Variants in NBEA observed in about 807,000 individuals in gnomAD.
NBEA encodes neurobeachin, also known as lysosomal-trafficking regulator 2.
In NBEA, 44 loss-of-function variants were observed where a neutral mutation model predicts 343.4. The observed-to-expected ratio is 0.13, with a 90% CI of 0.10 to 0.16. The LOEUF is 0.16. NBEA is among the 10% of genes least tolerant of loss of function. NBEA has a pLI of 1.00. For synonymous variants in NBEA, 1,175 were observed against 1,238.7 expected, an observed-to-expected ratio of 0.95 and a Z score of 1.08; for missense variants, 2,555 against 3,631.3, an observed-to-expected ratio of 0.70 and a Z score of 7.62.
intron 34 of NBEA, among the ~76,000 whole-genome samples, chr13:35,247,380 G>A (rs965436184): frequency 7.2e-5 from 11 of 152,110 alleles, no homozygotes; most frequent in African/African-American, 2.7e-4. Context: ...CAGTTCCTCT[G>A]GCAGCCCTCC....
chr13:35,253,366 T>C (rs936394536), intron 34 of NBEA, among the ~76,000 whole-genome samples: 9 of 152,224 alleles, frequency 5.9e-5, no homozygotes, highest in Admixed American at 1.3e-4. Flanking sequence ...CAATGGTATA[T>C]TTTTAAATTA....
rs1396914943 is a variant in NBEA, at chr13:35,352,220, A to G, written c.6076A>G (p.Ser2026Gly). 3.8e-6 allele frequency: 6 copies of G among 1,563,498 alleles called. No homozygotes were observed. Among genetic ancestry groups the G allele is most frequent in the Non-Finnish European group, 5.2e-6 (6 of 1,150,946 alleles). The change falls in exon 38 of 59, where the codon AGT (serine) becomes GGT (glycine). Residue 2026 changes from serine to glycine, a missense_variant. Physicochemically the swap from Ser to Gly is moderately conservative, Grantham distance 56 (BLOSUM62 0). Around this residue, in one of 21 missense-constraint regions of NBEA, gnomAD observed 246 missense variants for 313.7 expected, o/e 0.78. Transcript: ENST00000379939. ...AGAAAAGATGTGTGACCATCTTATC[A>G]GTGCTGCTAAACATCGAGATCATGT... ...EEEKMCDHLI[S>G]AAKHRDHVTA... is the part of the protein sequence containing the mutation.
At chr13:35,655,894 T>G (rs984819074) in intron 55 of NBEA, 145 bp downstream of exon 55, 1 of 669,798 alleles carries the variant, frequency 1.5e-6, no homozygotes, top group Non-Finnish European at 2.5e-6. Flanking sequence ...TACTGGAACG[T>G]AGCTATGTTC....
intron 47 of NBEA, among the ~76,000 whole-genome samples, chr13:35,603,800 T>C (rs2082163556): frequency 6.6e-6 from 1 of 152,200 alleles, no homozygotes; most frequent in South Asian, 2.1e-4. Flanking sequence ...AAGCTTACGT[T>C]CCTTCCCACT....
At chr13:35,033,987 C>T (rs1433771242) in intron 1 of NBEA, among the ~76,000 whole-genome samples, 2 of 151,670 alleles carry the variant, frequency 1.3e-5, no homozygotes, top group Non-Finnish European at 3.0e-5. Context: ...CATTTGGATA[C>T]CTTTTTCTAG....
Position 35,092,950 on chromosome 13 carries a change from T to C in NBEA, c.1572-5347T>C, listed in dbSNP as rs540173344. Among the ~76,000 whole-genome samples the C allele has an allele frequency of 1.4e-4, 21 of 152,136 alleles. No individual in the cohort carries two copies. In the South Asian group the frequency reaches 1.9e-3, roughly 14 times the overall value. On this transcript the variant is annotated intron_variant, in intron 10 of 58. Coordinates refer to ENST00000379939, the MANE Select transcript of NBEA (RefSeq NM_001385012.1). ...TGCTATTCTACAACCCAAATGCTTT[T>C]ACAAATGAATGGGTATACAAGCTGT...
intron 51 of NBEA, among the ~76,000 whole-genome samples, chr13:35,648,523 C>T (rs1047628076): frequency 2.0e-5 from 3 of 151,930 alleles, no homozygotes; most frequent in African/African-American, 7.3e-5. Context: ...TGGAGATATG[C>T]CCAGTCAGAA....
At chr13:35,268,428 T>C (rs2033864391) in intron 34 of NBEA, among the ~76,000 whole-genome samples, 2 of 152,046 alleles carry the variant, frequency 1.3e-5, no homozygotes. Flanking sequence ...AGATGGATGA[T>C]GGTGATAGTT....
intron 41 of NBEA, among the ~76,000 whole-genome samples, chr13:35,511,432 C>G (rs2077272487): frequency 6.6e-6 from 1 of 152,036 alleles, no homozygotes; most frequent in African/African-American, 2.4e-5. Flanking sequence ...TGACTTAAAC[C>G]TACAATGAAA....
chr13:35,198,785 G>A (rs909405607), intron 31 of NBEA, among the ~76,000 whole-genome samples: 3 of 150,998 alleles, frequency 2.0e-5, no homozygotes, highest in Non-Finnish European at 3.0e-5. Context: ...TCTCGGGGGC[G>A]CTGATGACGG....
chr13:35,442,739 G>A (rs1322952804), intron 39 of NBEA, among the ~76,000 whole-genome samples: 3 of 151,980 alleles, frequency 2.0e-5, no homozygotes, highest in Admixed American at 1.3e-4. Flanking sequence ...ATGAAATTCC[G>A]TTTTTGCTGT....
chr13:35,565,833 T>G (rs1234380715), intron 44 of NBEA, among the ~76,000 whole-genome samples: 2 of 152,084 alleles, frequency 1.3e-5, no homozygotes, highest in Non-Finnish European at 1.5e-5. Context: ...AGCAGACATA[T>G]TCACCCTAAG....
intron 36 of NBEA, among the ~76,000 whole-genome samples, chr13:35,310,667 T>C (rs1594166603): frequency 6.6e-6 from 1 of 152,214 alleles, no homozygotes; most frequent in African/African-American, 2.4e-5. Flanking sequence ...ATAGCTTCTA[T>C]CAGCCCAAGA....
In NBEA at chr13:35,290,377, T is replaced by C. The variant is rs774057436; in HGVS notation, c.5777-12T>C. On this transcript the variant is annotated splice_polypyrimidine_tract_variant and intron_variant, in intron 34 of 58. Transcript: ENST00000379939. ...TGTAATTTCATTTTGTTTTAACCTT[T>C]CTTTGTTGTAGGCCTTGTTTGTATG... is the stretch of plus-strand genomic sequence containing the variant. 3.9e-5 allele frequency: 62 copies of C among 1,584,484 alleles called. No individual in the cohort carries two copies. The Middle Eastern group carries it at 5.0e-4, about 13-fold the overall frequency.
intron 36 of NBEA, among the ~76,000 whole-genome samples, chr13:35,319,200 T>C (rs1270424766): frequency 6.6e-6 from 1 of 152,210 alleles, no homozygotes; most frequent in East Asian, 1.9e-4. Flanking sequence ...AGGGCATTGA[T>C]TTTAGATCTT....
At chr13:35,542,107 A>G (rs2078856064) in intron 41 of NBEA, among the ~76,000 whole-genome samples, 1 of 151,506 alleles carries the variant, frequency 6.6e-6, no homozygotes, top group Non-Finnish European at 1.5e-5. Flanking sequence ...AAAGTTCTCT[A>G]CGGATGGGCT....
At chr13:35,592,877 C>G (rs1376479404) in intron 46 of NBEA, 1 of 152,694 alleles carries the variant, frequency 6.5e-6, no homozygotes, top group African/African-American at 2.4e-5. Flanking sequence ...CATGGACATT[C>G]TCTACCTAAT....
chr13:35,387,957 T>C (rs1001699135), intron 38 of NBEA, among the ~76,000 whole-genome samples: 5 of 152,168 alleles, frequency 3.3e-5, no homozygotes, highest in African/African-American at 1.2e-4. Flanking sequence ...GAACTAATCA[T>C]CCTCTTAATA....
intron 38 of NBEA, among the ~76,000 whole-genome samples, chr13:35,387,150 T>C (rs2042279565): frequency 6.6e-6 from 1 of 152,174 alleles, no homozygotes; most frequent in African/African-American, 2.4e-5. Flanking sequence ...TATCCCTGTA[T>C]ATAAAATACC....
Sources: allele counts gnomAD v4.1 joint callset (sites outside exome capture counted in the v4.1 genomes callset), GRCh38; gene constraint gnomAD v4.1.1; regional missense constraint gnomAD v4.1.1; transcripts MANE v1.5; gene names NCBI Gene and HGNC (gene_info 2026-07-23, HGNC 2026-07-21).